Variants in PAQR5 observed in about 807,000 individuals in gnomAD.
PAQR5 encodes membrane progestin receptor gamma.
PAQR5 carries 20 observed loss-of-function variants against 34.5 expected under a neutral mutation model. The ratio of observed to expected loss-of-function variants is 0.58; its 90% CI spans 0.41 to 0.84. PAQR5 has a LOEUF of 0.84. Among genes scored for constraint, PAQR5 ranks in the 40% least tolerant of loss-of-function variants. PAQR5 has a pLI of 0.00. For synonymous variants in PAQR5, 131 were observed against 155.6 expected (o/e 0.84, Z 1.18); for missense variants, 378 against 412.7 (o/e 0.92, Z 0.73).
chr15:69,382,617 C>A (rs1220721330), intron 4 of PAQR5, among the ~76,000 whole-genome samples: 2 of 131,230 alleles, frequency 1.5e-5, no homozygotes, highest in Non-Finnish European at 3.1e-5. Flanking sequence ...TGCACTCCAG[C>A]CTGGTGACAG....
intron 2 of PAQR5, among the ~76,000 whole-genome samples, chr15:69,355,489 C>T (rs1315989212): frequency 2.7e-5 from 4 of 146,906 alleles, no homozygotes; most frequent in African/African-American, 7.6e-5. Context: ...GGTGAGATCT[C>T]GGCTCACTGC....
At chr15:69,397,240 G>A (rs761156760) in intron 6 of PAQR5, 400 of 674,320 alleles carry the variant, frequency 5.9e-4, no homozygotes, top group Non-Finnish European at 8.9e-4. Context: ...GCTTCCCATG[G>A]TCAGGAGATG....
At chr15:69,360,694 T>C (rs1162133595) in intron 3 of PAQR5, among the ~76,000 whole-genome samples, 4 of 152,206 alleles carry the variant, frequency 2.6e-5, no homozygotes, top group African/African-American at 9.6e-5. Context: ...TAGGTGAGCC[T>C]GGTTGTGTGC....
At chr15:69,338,770 C>T (rs2054568984) in intron 2 of PAQR5, among the ~76,000 whole-genome samples, 1 of 152,224 alleles carries the variant, frequency 6.6e-6, no homozygotes, top group Non-Finnish European at 1.5e-5. Flanking sequence ...AACCTCCAAG[C>T]TGTCTTTTTC....
At chr15:69,397,402 G>A (rs1567042764) in intron 6 of PAQR5, 66 bp from the exon 7 acceptor site, 4 of 1,020,174 alleles carry the variant, frequency 3.9e-6, no homozygotes, top group African/African-American at 1.6e-5. Context: ...GTGCATGCAT[G>A]TGCGTATGCA....
intron 1 of PAQR5, among the ~76,000 whole-genome samples, chr15:69,317,333 T>C (rs1402869374): frequency 6.6e-6 from 1 of 152,160 alleles, no homozygotes; most frequent in East Asian, 1.9e-4. Context: ...TCACCCCATC[T>C]AAGCTCCCCA....
intron 1 of PAQR5, among the ~76,000 whole-genome samples, chr15:69,319,816 G>C (rs2054052076): frequency 6.6e-6 from 1 of 152,178 alleles, no homozygotes; most frequent in African/African-American, 2.4e-5. Context: ...TCTTGTCTGG[G>C]GGTCTTGGTT....
At chr15:69,324,477 T>G (rs552825200) in intron 1 of PAQR5, among the ~76,000 whole-genome samples, 4 of 152,340 alleles carry the variant, frequency 2.6e-5, no homozygotes, top group African/African-American at 9.6e-5. Flanking sequence ...TTCAAGTGAT[T>G]AGAAACTCAG....
At chr15:69,382,702 A>ATATGTATGTAT (rs2055929720) in intron 4 of PAQR5, among the ~76,000 whole-genome samples, 1 of 111,402 alleles carries the variant, frequency 9.0e-6, no homozygotes, top group African/African-American at 3.6e-5. Flanking sequence ...ATATATATAT[A>ATATGTATGTAT]TATGTATGTA....
intron 1 of PAQR5, among the ~76,000 whole-genome samples, chr15:69,329,274 C>T (rs1379926348): frequency 2.0e-5 from 3 of 152,004 alleles, no homozygotes; most frequent in Non-Finnish European, 4.4e-5. Flanking sequence ...GAGGTCCATC[C>T]ATGGATTTTC....
At chr15:69,368,849 T>C (rs1340475989) in intron 3 of PAQR5, among the ~76,000 whole-genome samples, 3 of 152,206 alleles carry the variant, frequency 2.0e-5, no homozygotes, top group Admixed American at 1.3e-4. Flanking sequence ...CACTGTAGCC[T>C]TAAACTCTTG....
At chr15:69,340,679 C>T (rs1016601520) in intron 2 of PAQR5, among the ~76,000 whole-genome samples, 16 of 152,172 alleles carry the variant, frequency 1.1e-4, no homozygotes, top group African/African-American at 3.9e-4. Flanking sequence ...GCTTCTGGTC[C>T]TTCCAACTCT....
At chr15:69,353,782 T>G (rs2054987023) in intron 2 of PAQR5, among the ~76,000 whole-genome samples, 1 of 152,228 alleles carries the variant, frequency 6.6e-6, no homozygotes, top group African/African-American at 2.4e-5. Context: ...CCAAGAAGAC[T>G]TGATGCTCTG....
In PAQR5 at chr15:69,391,419, G is replaced by C. The variant is rs2056268377; in HGVS notation, c.512+1639G>C. On this transcript the variant is annotated intron_variant, in intron 6 of 8. Transcript: ENST00000395407. ...CATTCACCTGCGCTAAGGTGGGTTG[G>C]AAGTGTGGAGCTGCCTTCCATGGGA... The C allele has an allele frequency of 3.4e-5, 7 of 207,270 alleles. No individual in the cohort carries two copies. In the South Asian group the frequency reaches 3.7e-4, roughly 11 times the overall value. 12.8% of individuals were successfully genotyped at this position (207,270 alleles called of 1,614,324 possible).
intron 2 of PAQR5, among the ~76,000 whole-genome samples, chr15:69,349,700 C>T (rs12101862): frequency 3.3e-5 from 5 of 150,854 alleles, no homozygotes; most frequent in Non-Finnish European, 7.4e-5. Context: ...GGAGTGCAAT[C>T]GCATGGTCTC....
rs145222884 is a variant in PAQR5 at position 69,356,546 on chromosome 15, C to T, written c.-115-3420C>T. On this transcript the variant is annotated intron_variant, in intron 2 of 8. Coordinates refer to ENST00000395407, the MANE Select transcript of PAQR5 (RefSeq NM_017705.4). ...GTGTATAGCTCAGTGGCATTAAGTA[C>T]GTTGGTACCGTTGTGCAACCATCGC... Among the ~76,000 whole-genome samples the T allele has an allele frequency of 2.0e-3, 305 of 152,232 alleles. 2 individuals are homozygous for T. Among genetic ancestry groups the T allele is most frequent in the East Asian group, 3.7e-3 (19 of 5,188 alleles).
intron 1 of PAQR5, among the ~76,000 whole-genome samples, chr15:69,307,633 C>T (rs1009260667): frequency 2.6e-5 from 4 of 152,198 alleles, no homozygotes; most frequent in African/African-American, 9.7e-5. Flanking sequence ...GGGCTCTGCC[C>T]TGTGGACAGT....
At chr15:69,355,345 TTTCTTTCTTTCTTTCTTTC>T (rs2055043707) in intron 2 of PAQR5, among the ~76,000 whole-genome samples, 3 of 23,902 alleles carry the variant, frequency 1.3e-4, no homozygotes, top group East Asian at 1.5e-3. Flanking sequence ...TCTTTCTTTT[TTTCTTTCTTTCTTTCTTTC>T]TTTCTTTCTT....
In PAQR5 at chr15:69,384,856, A is replaced by G. The variant is rs767373960; in HGVS notation, c.359A>G (p.Tyr120Cys). Residue 120 changes from tyrosine to cysteine, a missense_variant, in exon 5 of 9, where the codon TAT becomes TGT. Physicochemically the swap from Tyr to Cys is radical, Grantham distance 194. Transcript: ENST00000395407. ...CGGCACATTTGCTACTTCCTGGACT[A>G]TGGTGCCGTCAACCTCTTCAGCCTG... ...NARHICYFLD[Y>C]GAVNLFSLGS... is the part of the protein sequence containing the mutation. 2.5e-6 allele frequency: 4 copies of G among 1,614,008 alleles called. No individual in the cohort carries two copies. The highest frequency in any genetic ancestry group is 3.4e-6 in the Non-Finnish European group (4 of 1,179,948).
Sources: allele counts gnomAD v4.1 joint callset (sites outside exome capture counted in the v4.1 genomes callset), GRCh38; gene constraint gnomAD v4.1.1; transcripts MANE v1.5; gene names NCBI Gene and HGNC (gene_info 2026-07-23, HGNC 2026-07-21).